Variants in NDNF observed in about 807,000 individuals in gnomAD.
NDNF encodes protein NDNF.
Under a neutral mutation model 42.0 loss-of-function variants are expected in NDNF, and 16 were observed. The ratio of observed to expected loss-of-function variants is 0.38; its 90% CI spans 0.26 to 0.58. The LOEUF is 0.58. NDNF is among the 20% of genes least tolerant of loss of function. NDNF has a pLI of 0.67. For missense variants in NDNF, 616 were observed against 666.2 expected (o/e 0.92, Z 0.83); for synonymous variants, 248 against 251.7 (o/e 0.99, Z 0.14).
chr4:121,061,826 C>A (rs149893647), intron 1 of NDNF, among the ~76,000 whole-genome samples: 1 of 152,180 alleles, frequency 6.6e-6, no homozygotes, highest in East Asian at 1.9e-4. Context: ...AGTCAAAGAT[C>A]TAAGTTGAAA....
intron 1 of NDNF, among the ~76,000 whole-genome samples, chr4:121,065,987 TA>T (rs995675930): frequency 2.6e-5 from 4 of 151,800 alleles, no homozygotes; most frequent in African/African-American, 7.2e-5. Flanking sequence ...ATTTAAAAGT[TA>T]AAAAAAAGCA....
chr4:121,039,784 C>T (rs1424301722), intron 3 of NDNF, 146 bp downstream of exon 3: 6 of 849,150 alleles, frequency 7.1e-6, no homozygotes, highest in Admixed American at 3.3e-5. Context: ...GCCACCCTCC[C>T]ACTTCCCTTA....
chr4:121,048,486 C>T (rs945728911), intron 1 of NDNF, among the ~76,000 whole-genome samples: 5 of 152,200 alleles, frequency 3.3e-5, no homozygotes. Context: ...TTGATAGGAA[C>T]TTTCCCTGCA....
In NDNF at chr4:121,037,294, G is replaced by GTCTC; in HGVS notation, c.676_677insGAGA (p.Ala226GlyfsTer11). 6.2e-7 allele frequency: 1 copy of GTCTC among 1,614,114 alleles called. No individual in the cohort carries two copies. Among genetic ancestry groups the GTCTC allele is most frequent in the Non-Finnish European group, 8.5e-7 (1 of 1,180,012 alleles). On this transcript the variant is annotated frameshift_variant, in exon 4 of 4. Transcript: ENST00000379692. LOFTEE classifies it high-confidence loss of function. ...ATCTGCACTCAGTTTTGCTTCCACT[G>GTCTC]CACAGAGACTTTTGAAATTGTGCTC...
chr4:121,046,991 A>G (rs1357657083), intron 1 of NDNF, among the ~76,000 whole-genome samples: 3 of 152,208 alleles, frequency 2.0e-5, no homozygotes, highest in Non-Finnish European at 2.9e-5. Context: ...GAATTAAAGC[A>G]TTAGAGAAAT....
At position 121,037,430 on chromosome 4, in the gene NDNF, T is replaced by C; in HGVS notation, c.541A>G (p.Arg181Gly). The change falls in exon 4 of 4, where the codon AGA (arginine) becomes GGA (glycine). Residue 181 changes from arginine (R) to glycine (G), a missense_variant. Physicochemically the swap from Arg to Gly is moderately radical, Grantham distance 125 (BLOSUM62 -2). Coordinates refer to ENST00000379692, the MANE Select transcript of NDNF (RefSeq NM_024574.4). ...QPYPELPYDP[R>G]VDVTSLGRTT... is the part of the protein sequence containing the mutation. The stretch of plus-strand genomic sequence containing the variant: ...CGCCCCAGTGAGGTCACATCTACTC[T>C]TGGGTCATAGGGTAACTCAGGGTAT... 6.2e-7 allele frequency: 1 copy of C among 1,614,148 alleles called. No individual in the cohort carries two copies. Among genetic ancestry groups the C allele is most frequent in the Non-Finnish European group, 8.5e-7 (1 of 1,180,018 alleles).
intron 1 of NDNF, among the ~76,000 whole-genome samples, chr4:121,060,807 C>G (rs753624021): frequency 2.6e-5 from 4 of 152,176 alleles, no homozygotes; most frequent in Non-Finnish European, 5.9e-5. Context: ...ATCTTTACCC[C>G]CAAGGTCCCC....
At chr4:121,058,652 T>G (rs1272914250) in intron 1 of NDNF, among the ~76,000 whole-genome samples, 1 of 152,150 alleles carries the variant, frequency 6.6e-6, no homozygotes, top group Non-Finnish European at 1.5e-5. Flanking sequence ...CCACACTATC[T>G]GACTTTTCAA....
intron 1 of NDNF, among the ~76,000 whole-genome samples, chr4:121,062,850 G>A (rs1310763176): frequency 6.6e-6 from 1 of 152,094 alleles, no homozygotes; most frequent in Non-Finnish European, 1.5e-5. Context: ...AATGCCTGGT[G>A]GTTGTCATTG....
At chr4:121,039,168 T>TATAA (rs1560603129) in intron 3 of NDNF, among the ~76,000 whole-genome samples, 1 of 44,302 alleles carries the variant, frequency 2.3e-5, no homozygotes, top group African/African-American at 4.4e-5. Context: ...TATATATATA[T>TATAA]ATAAAGACTA....
Position 121,049,723 on chromosome 4 carries a change from T to C in NDNF, c.-1-3885A>G, listed in dbSNP as rs139543364. Among the ~76,000 whole-genome samples, 85 of 152,318 alleles carry C rather than the reference T, an allele frequency of 5.6e-4. 2 individuals are homozygous for C. The highest frequency in any genetic ancestry group is 9.6e-4 in the East Asian group (5 of 5,190). On this transcript the variant is annotated intron_variant, in intron 1 of 3. Transcript: ENST00000379692. ...ATATTTTTATTTAGACAATCACCAA[T>C]AGATAATGGACTGAAACTTTATCTT...
chr4:121,065,488 G>T lies in NDNF; in HGVS notation c.-2+6505C>A, dbSNP rs138134946. ...ATCCTCCACTTTACTGTAATTAAAA[G>T]ACAAGCTTTTAAATGCAAATATTCA... is the stretch of plus-strand genomic sequence containing the variant. On this transcript the variant is annotated intron_variant, in intron 1 of 3. Coordinates refer to ENST00000379692, the MANE Select transcript of NDNF (RefSeq NM_024574.4). 3.3e-3 allele frequency among the ~76,000 whole-genome samples: 495 copies of T among 151,868 alleles called. 12 individuals are homozygous for T. The East Asian group carries it at 0.044, about 13-fold the overall frequency.
At chr4:121,061,798 A>C (rs1727414084) in intron 1 of NDNF, among the ~76,000 whole-genome samples, 1 of 152,224 alleles carries the variant, frequency 6.6e-6, no homozygotes, top group Non-Finnish European at 1.5e-5. Flanking sequence ...AAGATCACTC[A>C]ACTTAGAGTA....
chr4:121,040,125 A>C (rs1726972335), intron 2 of NDNF, 71 bp from the exon 3 acceptor site: 1 of 1,424,018 alleles, frequency 7.0e-7, no homozygotes, highest in Non-Finnish European at 9.4e-7. Flanking sequence ...TTACCAGAAA[A>C]ATCATTTGGT....
intron 1 of NDNF, among the ~76,000 whole-genome samples, chr4:121,057,138 C>G (rs2148769479): frequency 6.6e-6 from 1 of 152,216 alleles, no homozygotes; most frequent in East Asian, 1.9e-4. Context: ...ATATAATGAT[C>G]CCAGAGGGCA....
intron 1 of NDNF, among the ~76,000 whole-genome samples, chr4:121,052,425 T>C (rs1023787856): frequency 2.6e-5 from 4 of 152,230 alleles, no homozygotes; most frequent in Non-Finnish European, 5.9e-5. Flanking sequence ...AAGTGCATGA[T>C]TATAATTTGG....
At chr4:121,063,428 C>G (rs1014064030) in intron 1 of NDNF, among the ~76,000 whole-genome samples, 1 of 152,090 alleles carries the variant, frequency 6.6e-6, no homozygotes, top group Non-Finnish European at 1.5e-5. Flanking sequence ...AAGGCTTTGT[C>G]TATTACACAT....
At chr4:121,045,555 T>C in intron 2 of NDNF, 95 bp downstream of exon 2, 5 of 1,074,936 alleles carry the variant, frequency 4.7e-6, no homozygotes, top group Non-Finnish European at 6.8e-6. Flanking sequence ...ATAGGTTGAT[T>C]TGTAAATTAC....
At chr4:121,039,854 A>G (rs1726965105) in intron 3 of NDNF, 76 bp downstream of exon 3, 5 of 1,518,722 alleles carry the variant, frequency 3.3e-6, no homozygotes, top group Non-Finnish European at 4.4e-6. Flanking sequence ...TTACTAACAC[A>G]TAGAAGGTTG....
Sources: allele counts gnomAD v4.1 joint callset (sites outside exome capture counted in the v4.1 genomes callset), GRCh38; gene constraint gnomAD v4.1.1; transcripts MANE v1.5; gene names NCBI Gene and HGNC (gene_info 2026-07-23, HGNC 2026-07-21).